Variants in ALDH1L1 observed in about 807,000 individuals in gnomAD.
ALDH1L1 encodes cytosolic 10-formyltetrahydrofolate dehydrogenase.
A neutral mutation model predicts 101.1 loss-of-function variants in ALDH1L1; 68 were observed. The ratio of observed to expected loss-of-function variants is 0.67; its 90% CI spans 0.55 to 0.82. The LOEUF is 0.82. Ranked by LOEUF, ALDH1L1 falls within the 40% of genes least tolerant of loss-of-function variation. The probability of loss-of-function intolerance (pLI) is 0.00; values close to 1 mark genes in which losing one functional copy is unlikely to be tolerated. For synonymous variants in ALDH1L1, 486 were observed against 470.8 expected (o/e 1.03, Z -0.42); for missense variants, 1,087 against 1,172.7 (o/e 0.93, Z 1.07).
At chr3:126,177,643 T>C (rs2081387835) in intron 1 of ALDH1L1, among the ~76,000 whole-genome samples, 1 of 152,158 alleles carries the variant, frequency 6.6e-6, no homozygotes, top group South Asian at 2.1e-4. Context: ...TACTCATCAT[T>C]ATATGTTTGT....
chr3:126,177,043 G>A (rs1324070991), intron 1 of ALDH1L1, among the ~76,000 whole-genome samples: 1 of 152,168 alleles, frequency 6.6e-6, no homozygotes, highest in African/African-American at 2.4e-5. Context: ...GTTAAATTAA[G>A]AGCACTGACA....
chr3:126,157,279 G>T, intron 4 of ALDH1L1, 64 bp downstream of exon 4: 2 of 1,557,086 alleles, frequency 1.3e-6, no homozygotes, highest in Non-Finnish European at 1.7e-6. Flanking sequence ...GGTGGGCTGG[G>T]TCTAGGGAGG....
intron 3 of ALDH1L1, among the ~76,000 whole-genome samples, chr3:126,158,073 C>T (rs2080953412): frequency 6.6e-6 from 1 of 152,066 alleles, no homozygotes; most frequent in African/African-American, 2.4e-5. Flanking sequence ...CACCCTGGCC[C>T]CTGCGCCTCC....
chr3:126,106,574 TC>T (rs1190198047), intron 21 of ALDH1L1, among the ~76,000 whole-genome samples: 4 of 152,146 alleles, frequency 2.6e-5, no homozygotes, highest in Admixed American at 1.3e-4. Context: ...GCTCTGGGAT[TC>T]TAAAGAGCTA....
At chr3:126,187,813 G>C (rs2081529673) in intron 1 of ALDH1L1, among the ~76,000 whole-genome samples, 2 of 152,130 alleles carry the variant, frequency 1.3e-5, no homozygotes, top group African/African-American at 4.8e-5. Flanking sequence ...AGTTGAACCG[G>C]AGACTAAAAG....
chr3:126,146,815 C>A lies in ALDH1L1; in HGVS notation c.1076+20G>T, dbSNP rs764940530. On this transcript the variant is annotated intron_variant, in intron 9 of 22. Transcript: ENST00000393434. ...CAGCACCAAGTACCTGGGACAGGAC[C>A]CCTCCACTCCTGGCCTTACCTCACA... 2.7e-5 allele frequency: 44 copies of A among 1,611,742 alleles called. 1 individual carries two copies. The South Asian group carries it at 2.9e-4, about 10-fold the overall frequency.
intron 9 of ALDH1L1, among the ~76,000 whole-genome samples, chr3:126,139,999 A>G (rs1350419222): frequency 6.6e-6 from 1 of 152,180 alleles, no homozygotes; most frequent in African/African-American, 2.4e-5. Context: ...ATTTGAAGAA[A>G]TAGTGGCCCC....
intron 19 of ALDH1L1, among the ~76,000 whole-genome samples, chr3:126,110,830 T>C (rs939996283): frequency 1.3e-5 from 2 of 152,136 alleles, no homozygotes; most frequent in Admixed American, 6.5e-5. Context: ...CGCACCCCGA[T>C]CAAATGGCTT....
intron 19 of ALDH1L1, among the ~76,000 whole-genome samples, chr3:126,111,937 C>T (rs1946092115): frequency 6.6e-6 from 1 of 152,196 alleles, no homozygotes; most frequent in African/African-American, 2.4e-5. Flanking sequence ...GTGTCAACCC[C>T]ACAGTGTTTT....
At chr3:126,183,575 A>C (rs960785334), upstream of ALDH1L1, among the ~76,000 whole-genome samples, 6 of 152,078 alleles carry the variant, frequency 3.9e-5, no homozygotes, top group African/African-American at 1.4e-4. Flanking sequence ...TATTCAAGAG[A>C]CTTTCAGGAC....
intron 17 of ALDH1L1, 197 bp from the exon 18 acceptor site, chr3:126,114,853 C>A (rs375861684): frequency 3.2e-6 from 2 of 629,116 alleles, no homozygotes; most frequent in Non-Finnish European, 5.9e-6. Flanking sequence ...CCTGTACACA[C>A]CAGGCCTGTG....
chr3:126,154,066 A>T (rs1336811464), intron 6 of ALDH1L1, among the ~76,000 whole-genome samples: 1 of 151,968 alleles, frequency 6.6e-6, no homozygotes. Flanking sequence ...TGTGTGGGGG[A>T]CAAGACTGCC....
chr3:126,170,659 C>G (rs543770660), intron 1 of ALDH1L1, among the ~76,000 whole-genome samples: 10 of 152,248 alleles, frequency 6.6e-5, no homozygotes, highest in Non-Finnish European at 1.3e-4. Context: ...CAGGAAGTAG[C>G]TAGAAAGAAC....
chr3:126,131,135 G>T (rs528257905), intron 13 of ALDH1L1, among the ~76,000 whole-genome samples: 1 of 152,344 alleles, frequency 6.6e-6, no homozygotes, highest in African/African-American at 2.4e-5. Context: ...CTGTCCCAGA[G>T]TCTCCAGATA....
intron 12 of ALDH1L1, among the ~76,000 whole-genome samples, chr3:126,134,660 G>A (rs1176753454): frequency 1.3e-5 from 2 of 152,230 alleles, no homozygotes; most frequent in East Asian, 3.9e-4. Flanking sequence ...GGCTGCCCCG[G>A]CTTTTCTGGC....
chr3:126,136,035 G>A (rs77504204), intron 11 of ALDH1L1, among the ~76,000 whole-genome samples: 9,191 of 152,244 alleles, frequency 0.06, 873 homozygotes, highest in African/African-American at 0.21. Context: ...CCACAAGACA[G>A]CCATGCCCCT....
Position 126,118,130 on chromosome 3 carries a change from G to C in ALDH1L1, c.1889-32C>G, listed in dbSNP as rs753735579. On this transcript the variant is annotated intron_variant, in intron 16 of 22. Transcript: ENST00000393434. ...GCGGGAGGGAGGGGGGAATCAGAGT[G>C]GTCCCCCTGGTGCTGGGGAGGCAGG... The C allele has an allele frequency of 2.1e-5, 33 of 1,565,648 alleles. No individual in the cohort carries two copies. The Admixed American group carries it at 4.1e-4, about 19-fold the overall frequency.
chr3:126,180,809 T>C (rs2081463540), upstream of ALDH1L1: 4 of 1,527,646 alleles, frequency 2.6e-6, no homozygotes, highest in Admixed American at 2.0e-5. Context: ...CTGTGGACCC[T>C]TGGAGAATTC....
rs2081455124 is a variant in ALDH1L1 at position 126,180,465 on chromosome 3, C to T, written c.-24+11G>A. 1 of 993,612 alleles carries T rather than the reference C, an allele frequency of 1.0e-6. No homozygotes were observed. The highest frequency in any genetic ancestry group is 4.6e-5 in the South Asian group (1 of 21,904). 61.5% of individuals were successfully genotyped at this position (993,612 alleles called of 1,614,324 possible). On this transcript the variant is annotated intron_variant, in intron 1 of 22. Coordinates refer to ENST00000393434, the MANE Select transcript of ALDH1L1 (RefSeq NM_012190.4). ...CGGGAGTCCAGCGCTCTCGAGAGCC[C>T]AGAAACTCACCGCGCGCAGGAGTTG...
Sources: allele counts gnomAD v4.1 joint callset (sites outside exome capture counted in the v4.1 genomes callset), GRCh38; gene constraint gnomAD v4.1.1; transcripts MANE v1.5; gene names NCBI Gene and HGNC (gene_info 2026-07-23, HGNC 2026-07-21).